PDE3A: variants seen among roughly 807,000 people sequenced by gnomAD.
PDE3A encodes the protein cGMP-inhibited 3',5'-cyclic phosphodiesterase 3A.
In PDE3A, 43 loss-of-function variants were observed where a neutral mutation model predicts 98.3. That is an observed-to-expected ratio of 0.44 (90% CI 0.34 to 0.56). PDE3A has a LOEUF of 0.56. Ranked by LOEUF, PDE3A falls within the 20% of genes least tolerant of loss-of-function variation. The pLI is 0.01. For synonymous variants in PDE3A, 663 were observed against 567.9 expected (o/e 1.17, Z -2.38); for missense variants, 1,427 against 1,440.7 (o/e 0.99, Z 0.15).
At position 20,455,488 on chromosome 12, in the gene PDE3A, A is replaced by G. The variant is rs559859623; in HGVS notation, c.960+85244A>G. ...AGATTTCATTGGCTTTATCTTGCTC[A>G]TTGCTAAAGAATAGTGCTTGTAGCA... On this transcript the variant is annotated intron_variant, in intron 1 of 15. Transcript: ENST00000359062. Among the ~76,000 whole-genome samples the G allele has an allele frequency of 1.1e-4, 16 of 152,244 alleles. No homozygotes were observed. The South Asian group carries it at 3.3e-3, about 32-fold the overall frequency.
rs539595301 is a variant in PDE3A at position 20,403,332 on chromosome 12, G to A, written c.960+33088G>A. Among the ~76,000 whole-genome samples, 3 of 152,288 alleles carry A rather than the reference G, an allele frequency of 2.0e-5. No individual in the cohort carries two copies. The East Asian group carries it at 5.8e-4, about 29-fold the overall frequency. The stretch of plus-strand genomic sequence containing the variant: ...TCTCCCTTACAGTTAGCTGTCCGGT[G>A]TGGTGTGGTTAGCAGGTATCTTTGT... On this transcript the variant is annotated intron_variant, in intron 1 of 15. Coordinates refer to ENST00000359062, the MANE Select transcript of PDE3A (RefSeq NM_000921.5).
intron 2 of PDE3A, among the ~76,000 whole-genome samples, chr12:20,599,789 C>T (rs1444786343): frequency 6.6e-6 from 1 of 152,150 alleles, no homozygotes; most frequent in Non-Finnish European, 1.5e-5. Flanking sequence ...ATTTTACAGC[C>T]AGTTTTCATG....
chr12:20,513,850 A>G (rs543904798), intron 1 of PDE3A, among the ~76,000 whole-genome samples: 1 of 152,326 alleles, frequency 6.6e-6, no homozygotes, highest in Admixed American at 6.5e-5. Context: ...ATTAAATGAG[A>G]TTAAAATATT....
At position 20,369,473 on chromosome 12, in the gene PDE3A, C is replaced by A; in HGVS notation, c.189C>A (p.Ser63=). 6.4e-7 allele frequency: 1 copy of A among 1,555,706 alleles called. No individual in the cohort carries two copies. Among genetic ancestry groups the A allele is most frequent in the East Asian group, 2.4e-5 (1 of 41,342 alleles). The stretch of plus-strand genomic sequence containing the variant: ...TCCGGAGCTCTCGGAAACTTTCCTC[C>A]GCGCTGTGCGCGGGCTCCCTGTCCT... ...QPLRSSRKLS[S]ALCAGSLSFL... The change falls in exon 1 of 16, where the codon TCC becomes TCA. Residue 63 remains serine, a synonymous_variant. Coordinates refer to ENST00000359062, the MANE Select transcript of PDE3A (RefSeq NM_000921.5).
chr12:20,369,756 C>CCT lies in PDE3A; in HGVS notation c.475_476dup (p.Ala160TrpfsTer48). 1 of 1,612,586 alleles carries CCT rather than the reference C, an allele frequency of 6.2e-7. No homozygotes were observed. Among genetic ancestry groups the CCT allele is most frequent in the Non-Finnish European group, 8.5e-7 (1 of 1,179,768 alleles). On this transcript the variant is annotated frameshift_variant, in exon 1 of 16. Coordinates refer to ENST00000359062, the MANE Select transcript of PDE3A (RefSeq NM_000921.5). LOFTEE classifies it high-confidence loss of function. ...CCTCCTGCGCGCCGGGGTGCGCCTG[C>CCT]CTCTGGCTGTCGCGCTGCTGGCCGC... is the stretch of plus-strand genomic sequence containing the variant.
intron 1 of PDE3A, among the ~76,000 whole-genome samples, chr12:20,405,377 C>A (rs1469125651): frequency 6.6e-6 from 1 of 152,134 alleles, no homozygotes; most frequent in Admixed American, 6.5e-5. Context: ...GACCTAAATT[C>A]TCTTCTGTGC....
chr12:20,616,371 G>A lies in PDE3A; in HGVS notation c.1411G>A (p.Ala471Thr). The A allele has an allele frequency of 1.2e-6, 2 of 1,612,938 alleles. No homozygotes were observed. Among genetic ancestry groups the A allele is most frequent in the Non-Finnish European group, 1.7e-6 (2 of 1,179,278 alleles). The change falls in exon 4 of 16, where the codon GCA becomes ACA. Residue 471 changes from alanine to threonine, a missense_variant. Physicochemically the swap from Ala to Thr is moderately conservative, Grantham distance 58 (BLOSUM62 0). Transcript: ENST00000359062. ...CAGCACCAGCATCAAACTGCAGGAA[G>A]CACCTTCATCCAGGTGGCATACGGC... is the stretch of plus-strand genomic sequence containing the variant. ...DRSTSIKLQE[A>T]PSSSPDSWNN...
intron 2 of PDE3A, among the ~76,000 whole-genome samples, chr12:20,610,610 C>A (rs558096828): frequency 1.3e-5 from 2 of 151,944 alleles, no homozygotes; most frequent in African/African-American, 4.8e-5. Context: ...TATGTAAATA[C>A]CATAAGCATC....
In PDE3A at chr12:20,683,141, A is replaced by C. The variant is rs145683378; in HGVS notation, c.*2870A>C. 6.6e-6 allele frequency: 1 copy of C among 152,352 alleles called. No homozygotes were observed. The highest frequency in any genetic ancestry group is 2.4e-5 in the African/African-American group (1 of 41,580). The allele number at this position is 152,352 out of a possible 1,614,324, so 9.4% of individuals were successfully genotyped here. A position where few individuals can be genotyped will look rare whatever the true frequency, so the allele number is the denominator to read the frequency against. ...ATTACAGCTAGACGTCAATTGGGAT[A>C]AATAAAGGGATGAAGATCCACTAAG... On this transcript the variant is annotated 3_prime_UTR_variant, in exon 16 of 16. Transcript: ENST00000359062.
At chr12:20,570,438 A>AAT (rs869268302) in intron 2 of PDE3A, among the ~76,000 whole-genome samples, 24 of 138,590 alleles carry the variant, frequency 1.7e-4, no homozygotes, top group African/African-American at 4.1e-4. Flanking sequence ...AAAAAAAAAA[A>AAT]GGTGTAAAGG....
At chr12:20,673,591 A>T (rs1217519883) in intron 15 of PDE3A, among the ~76,000 whole-genome samples, 2 of 150,634 alleles carry the variant, frequency 1.3e-5, no homozygotes, top group African/African-American at 4.9e-5. Context: ...TCAGTAAACT[A>T]TTGCAAGAAC....
intron 1 of PDE3A, among the ~76,000 whole-genome samples, chr12:20,510,289 T>C (rs1303384070): frequency 2.6e-5 from 4 of 152,068 alleles, no homozygotes; most frequent in African/African-American, 7.2e-5. Flanking sequence ...GCCAGTTTAA[T>C]TGAATAATGT....
In PDE3A at chr12:20,687,094, C is replaced by T. The variant is rs1044767270; in HGVS notation, c.*6823C>T. Among the ~76,000 whole-genome samples the T allele has an allele frequency of 3.9e-5, 6 of 151,978 alleles. No individual in the cohort carries two copies. Among genetic ancestry groups the T allele is most frequent in the Non-Finnish European group, 8.8e-5 (6 of 67,950 alleles). On this transcript the variant is annotated 3_prime_UTR_variant, in exon 16 of 16. Coordinates refer to ENST00000359062, the MANE Select transcript of PDE3A (RefSeq NM_000921.5). ...ACTTTTGAAGAGAAAGATTTTCTTTCCGGTAATTTTACTCCCTAAAAAAGG... is the reference window on the plus strand; with the variant it reads ...ACTTTTGAAGAGAAAGATTTTCTTTTCGGTAATTTTACTCCCTAAAAAAGG...
intron 1 of PDE3A, among the ~76,000 whole-genome samples, chr12:20,515,889 C>T (rs1462400603): frequency 6.7e-6 from 1 of 150,162 alleles, no homozygotes; most frequent in Non-Finnish European, 1.5e-5. Flanking sequence ...CCTGCCACTA[C>T]GCCCGGCTAA....
At chr12:20,645,951 G>A (rs1944766051) in intron 10 of PDE3A, among the ~76,000 whole-genome samples, 1 of 152,050 alleles carries the variant, frequency 6.6e-6, no homozygotes, top group African/African-American at 2.4e-5. Flanking sequence ...ATTGATTGTG[G>A]CTTTGAATTT....
At chr12:20,448,076 A>C (rs4130515) in intron 1 of PDE3A, among the ~76,000 whole-genome samples, 24,848 of 152,184 alleles carry the variant, frequency 0.16, 2,173 homozygotes, top group Middle Eastern at 0.21. Context: ...TCTGTCATTT[A>C]CTGAGATGGG....
intron 2 of PDE3A, among the ~76,000 whole-genome samples, chr12:20,604,439 C>G (rs73233998): frequency 6.6e-6 from 1 of 151,812 alleles, no homozygotes; most frequent in Non-Finnish European, 1.5e-5. Context: ...TTCCCACATA[C>G]ACAACCTTAC....
In PDE3A at chr12:20,592,586, C is replaced by T. The variant is rs148576020; in HGVS notation, c.1012-20857C>T. Among the ~76,000 whole-genome samples, 370 of 152,226 alleles carry T rather than the reference C, an allele frequency of 2.4e-3. 4 individuals are homozygous for T. Among genetic ancestry groups the T allele is most frequent in the Middle Eastern group, 0.01 (3 of 294 alleles). On this transcript the variant is annotated intron_variant, in intron 2 of 15. Transcript: ENST00000359062. ...CTTGAGTACTAATCATAGAAAGGAG[C>T]TCTGAAAATAAGCAGCGGGCCTGTA...
chr12:20,467,657 C>T (rs945858640), intron 1 of PDE3A, among the ~76,000 whole-genome samples: 1 of 151,950 alleles, frequency 6.6e-6, no homozygotes, highest in Non-Finnish European at 1.5e-5. Flanking sequence ...GGTCAATGGG[C>T]CGGGCACGGT....
Sources: gnomAD v4.1 joint callset for allele counts (sites outside exome capture counted in the v4.1 genomes callset) on GRCh38, gnomAD v4.1.1 for gene constraint, MANE v1.5 for transcripts, NCBI Gene and HGNC (gene_info 2026-07-23, HGNC 2026-07-21) for gene names.